The following TYW1 variants were observed in gnomAD, a reference collection of about 807,000 sequenced individuals.
TYW1 encodes S-adenosyl-L-methionine-dependent tRNA 4-demethylwyosine synthase TYW1.
A neutral mutation model predicts 96.2 loss-of-function variants in TYW1; 46 were observed. The observed-to-expected ratio is 0.48, with a 90% CI of 0.38 to 0.61. The LOEUF is 0.61. Among genes scored for constraint, TYW1 ranks in the 20% least tolerant of loss-of-function variants. The pLI, the probability that TYW1 is intolerant of heterozygous loss-of-function variation, is 0.00. For synonymous variants in TYW1, 274 were observed against 323.0 expected (o/e 0.85, Z 1.63); for missense variants, 684 against 909.6 (o/e 0.75, Z 3.19).
chr7:67,016,133 C>T (rs1177259586), intron 5 of TYW1, among the ~76,000 whole-genome samples: 3 of 151,544 alleles, frequency 2.0e-5, no homozygotes, highest in East Asian at 3.9e-4. Context: ...AAAAATGAAA[C>T]GATGGAGCCT....
intron 11 of TYW1, among the ~76,000 whole-genome samples, chr7:67,087,414 A>T (rs1796580453): frequency 6.6e-6 from 1 of 152,190 alleles, no homozygotes; most frequent in African/African-American, 2.4e-5. Context: ...GGATGATAGG[A>T]TGCAGGATAG....
At chr7:67,198,764 A>C (rs1162488968) in intron 15 of TYW1, among the ~76,000 whole-genome samples, 1 of 152,158 alleles carries the variant, frequency 6.6e-6, no homozygotes, top group African/African-American at 2.4e-5. Flanking sequence ...CCCAACCCCT[A>C]ATCTAGGCAG....
At chr7:67,237,499 CAAAAAAAA>C (rs386410332) in intron 15 of TYW1, among the ~76,000 whole-genome samples, 1 of 98,788 alleles carries the variant, frequency 1.0e-5, no homozygotes, top group Admixed American at 9.8e-5. Context: ...GACTCTGTCT[CAAAAAAAA>C]AAAAAAAAAA....
At chr7:67,103,775 G>A (rs1386564834) in intron 12 of TYW1, among the ~76,000 whole-genome samples, 1 of 152,170 alleles carries the variant, frequency 6.6e-6, no homozygotes, top group Non-Finnish European at 1.5e-5. Context: ...TGTTGATAAT[G>A]CTAATTTTAT....
chr7:67,132,909 T>C lies in TYW1; in HGVS notation c.1698+15291T>C, dbSNP rs1285678273. 3.9e-5 allele frequency among the ~76,000 whole-genome samples: 6 copies of C among 152,328 alleles called. No individual in the cohort carries two copies. In the Middle Eastern group the frequency reaches 0.01, roughly 259 times the overall value. ...TTTGGATTGTTTCACAGTTTCTAAC[T>C]CTGCAGTGAACATTATTGAGAGTGT... On this transcript the variant is annotated intron_variant, in intron 13 of 15. Coordinates refer to ENST00000359626, the MANE Select transcript of TYW1 (RefSeq NM_018264.4).
intron 10 of TYW1, among the ~76,000 whole-genome samples, chr7:67,082,229 T>C (rs1796412032): frequency 6.6e-6 from 1 of 152,178 alleles, no homozygotes; most frequent in South Asian, 2.1e-4. Context: ...TCTGCACATC[T>C]GGTATAACAG....
In TYW1 at chr7:67,009,898, T is replaced by C. The variant is rs1289381782; in HGVS notation, c.375+214T>C. On this transcript the variant is annotated intron_variant, in intron 4 of 15. Transcript: ENST00000359626. ...TGGTGTGGGGCTTGTTCTTCAGGCA[T>C]GTTAAATTCTCCTGGGGCAGGGCTA... The C allele has an allele frequency of 1.5e-5, 8 of 524,534 alleles. No individual in the cohort carries two copies. In the East Asian group the frequency reaches 2.8e-4, roughly 18 times the overall value. The allele number at this position is 524,534 out of a possible 1,614,324, so 32.5% of individuals were successfully genotyped here. A position where few individuals can be genotyped will look rare whatever the true frequency, so the allele number is the denominator to read the frequency against.
intron 7 of TYW1, among the ~76,000 whole-genome samples, 190 bp from the exon 8 acceptor site, chr7:67,049,759 C>T (rs1795300172): frequency 6.6e-6 from 1 of 152,022 alleles, no homozygotes; most frequent in African/African-American, 2.4e-5. Flanking sequence ...CTTGGCCGGG[C>T]TGGTCTCGAT....
intron 15 of TYW1, among the ~76,000 whole-genome samples, chr7:67,212,688 T>C (rs1239516213): frequency 1.3e-5 from 2 of 152,108 alleles, no homozygotes; most frequent in Admixed American, 6.5e-5. Flanking sequence ...TTTGTTTTTT[T>C]TGAGGTTTAG....
intron 13 of TYW1, among the ~76,000 whole-genome samples, chr7:67,182,173 T>C (rs1799862976): frequency 6.6e-6 from 1 of 152,194 alleles, no homozygotes; most frequent in Non-Finnish European, 1.5e-5. Context: ...TTTAGTGTTT[T>C]TGAATTTTTA....
intron 13 of TYW1, among the ~76,000 whole-genome samples, chr7:67,126,574 T>G (rs951992404): frequency 3.9e-5 from 6 of 152,186 alleles, no homozygotes; most frequent in African/African-American, 7.2e-5. Context: ...CTGTGTTATC[T>G]TCTAGAACTC....
chr7:67,118,923 A>G (rs6460322), intron 13 of TYW1, among the ~76,000 whole-genome samples: 3 of 146,560 alleles, frequency 2.0e-5, no homozygotes, highest in Non-Finnish European at 3.0e-5. Context: ...TGCAAATAGT[A>G]TACATTTAAA....
Position 67,035,868 on chromosome 7 carries a change from G to A in TYW1, c.984+10846G>A, listed in dbSNP as rs150993183. Reference sequence around the variant, plus strand: ...AATTTTTTGTGTTTTTAGTAGAGACGAGGTTTCACCGTGTTAGCCAGGATG... The same window carrying A: ...AATTTTTTGTGTTTTTAGTAGAGACAAGGTTTCACCGTGTTAGCCAGGATG... On this transcript the variant is annotated intron_variant, in intron 7 of 15. Transcript: ENST00000359626. Among the ~76,000 whole-genome samples, 775 of 151,636 alleles carry A rather than the reference G, an allele frequency of 5.1e-3. 9 individuals carry two copies. The highest frequency in any genetic ancestry group is 0.026 in the East Asian group (135 of 5,140).
intron 13 of TYW1, among the ~76,000 whole-genome samples, chr7:67,161,126 G>A (rs1053573654): frequency 6.6e-6 from 1 of 152,170 alleles, no homozygotes; most frequent in Non-Finnish European, 1.5e-5. Context: ...AGTTAGCATA[G>A]CTTTATAGTA....
intron 13 of TYW1, among the ~76,000 whole-genome samples, chr7:67,126,798 T>G (rs1797926518): frequency 6.6e-6 from 1 of 152,196 alleles, no homozygotes; most frequent in African/African-American, 2.4e-5. Flanking sequence ...GTGACTCTTT[T>G]CCTGGGCTGT....
intron 3 of TYW1, among the ~76,000 whole-genome samples, chr7:67,000,059 CTGAG>C (rs1485653540): frequency 9.2e-5 from 14 of 151,994 alleles, no homozygotes; most frequent in Admixed American, 4.6e-4. Flanking sequence ...CCTCAGCCTC[CTGAG>C]TATCTGGGAC....
intron 10 of TYW1, among the ~76,000 whole-genome samples, chr7:67,077,014 T>TC (rs563002828): frequency 5.7e-4 from 87 of 152,198 alleles, no homozygotes; most frequent in African/African-American, 2.0e-3. Flanking sequence ...CCTCAAGTGA[T>TC]CCACTGGCCT....
At chr7:67,102,598 C>G (rs1264617969) in intron 12 of TYW1, among the ~76,000 whole-genome samples, 2 of 151,932 alleles carry the variant, frequency 1.3e-5, no homozygotes, top group Admixed American at 6.6e-5. Context: ...TGGGTTTACT[C>G]TATCAGGAAT....
At chr7:67,092,286 C>T (rs1274387080) in intron 11 of TYW1, among the ~76,000 whole-genome samples, 1 of 152,068 alleles carries the variant, frequency 6.6e-6, no homozygotes, top group Non-Finnish European at 1.5e-5. Flanking sequence ...GCCACCATTT[C>T]CTTTTTGTAT....
Sources: gnomAD v4.1 joint callset for allele counts (sites outside exome capture counted in the v4.1 genomes callset) on GRCh38, gnomAD v4.1.1 for gene constraint, MANE v1.5 for transcripts, NCBI Gene and HGNC (gene_info 2026-07-23, HGNC 2026-07-21) for gene names.